Variants in KCNN2 observed in about 807,000 individuals in gnomAD.
KCNN2 encodes small conductance calcium-activated potassium channel protein 2.
A neutral mutation model predicts 55.5 loss-of-function variants in KCNN2; 24 were observed. The ratio of observed to expected loss-of-function variants is 0.43; its 90% CI spans 0.31 to 0.61. KCNN2 has a LOEUF of 0.61. Ranked by LOEUF, KCNN2 falls within the 20% of genes least tolerant of loss-of-function variation. The pLI, the probability that KCNN2 is intolerant of heterozygous loss-of-function variation, is 0.08. For synonymous variants in KCNN2, 431 were observed against 336.1 expected, an observed-to-expected ratio of 1.28 and a Z score of -3.09; for missense variants, 754 against 853.6, an observed-to-expected ratio of 0.88 and a Z score of 1.45.
chr5:114,229,891 C>A (rs377011202), intron 2 of KCNN2, among the ~76,000 whole-genome samples: 2 of 152,034 alleles, frequency 1.3e-5, no homozygotes, highest in Non-Finnish European at 2.9e-5. Context: ...GAAACAAACC[C>A]TAGAAATGGA....
intron 2 of KCNN2, among the ~76,000 whole-genome samples, chr5:114,234,898 T>C (rs1418085594): frequency 6.6e-6 from 1 of 152,192 alleles, no homozygotes; most frequent in African/African-American, 2.4e-5. Flanking sequence ...TCAGTATGTG[T>C]TATGAGTTAG....
intron 2 of KCNN2, among the ~76,000 whole-genome samples, chr5:114,295,427 C>T (rs1413142368): frequency 6.6e-6 from 1 of 152,172 alleles, no homozygotes; most frequent in Non-Finnish European, 1.5e-5. Context: ...CCCAGCCTCG[C>T]TGCCACCTTG....
At chr5:114,326,768 G>A (rs1756722371) in intron 2 of KCNN2, among the ~76,000 whole-genome samples, 1 of 152,192 alleles carries the variant, frequency 6.6e-6, no homozygotes. Flanking sequence ...TCCATCTATT[G>A]TATATTCCAA....
intron 1 of KCNN2, among the ~76,000 whole-genome samples, chr5:114,151,216 C>G (rs905519268): frequency 2.1e-4 from 32 of 151,706 alleles, no homozygotes; most frequent in African/African-American, 7.5e-4. Flanking sequence ...CTTTCTTTTT[C>G]TGGTAATAGA....
intron 4 of KCNN2, among the ~76,000 whole-genome samples, chr5:114,469,243 CCTT>C (rs1218210199): frequency 6.6e-6 from 1 of 152,172 alleles, no homozygotes; most frequent in African/African-American, 2.4e-5. Flanking sequence ...AAAGCAAAGT[CCTT>C]CTCCCTCTGC....
At chr5:114,091,111 A>T (rs945779237) in intron 1 of KCNN2, among the ~76,000 whole-genome samples, 1 of 152,148 alleles carries the variant, frequency 6.6e-6, no homozygotes, top group Non-Finnish European at 1.5e-5. Flanking sequence ...ATGTGCTGGG[A>T]TTACAGGTGT....
chr5:114,108,857 T>C (rs914245395), intron 1 of KCNN2, among the ~76,000 whole-genome samples: 1 of 152,118 alleles, frequency 6.6e-6, no homozygotes, highest in Admixed American at 6.6e-5. Context: ...TTTGTGGGCA[T>C]ATGTATTACT....
At chr5:114,068,325 T>C (rs551935902) in intron 1 of KCNN2, among the ~76,000 whole-genome samples, 5 of 152,310 alleles carry the variant, frequency 3.3e-5, no homozygotes, top group African/African-American at 9.6e-5. Context: ...AAATTCAACT[T>C]TGAGCTTCTA....
chr5:114,442,498 A>T (rs1324456278), intron 3 of KCNN2, among the ~76,000 whole-genome samples: 1 of 152,010 alleles, frequency 6.6e-6, no homozygotes. Context: ...ACCAGGCTGA[A>T]CCTCAGTTTC....
chr5:114,370,936 G>T (rs1325123538), intron 2 of KCNN2, among the ~76,000 whole-genome samples: 1 of 149,366 alleles, frequency 6.7e-6, no homozygotes, highest in Non-Finnish European at 1.5e-5. Context: ...AATTGGTCTG[G>T]ATACTATTAG....
intron 1 of KCNN2, among the ~76,000 whole-genome samples, chr5:114,154,601 G>A (rs1752593452): frequency 6.6e-6 from 1 of 152,210 alleles, no homozygotes; most frequent in African/African-American, 2.4e-5. Context: ...TCATCCAGAT[G>A]GACTATATAA....
rs79567321 is a variant in KCNN2, at chr5:114,235,695, T to C, written c.-185+14130T>C. On this transcript the variant is annotated intron_variant, in intron 2 of 10. Transcript: ENST00000512097. ...TCGTTTTTTAAAGGGCTTAAATCTCTAGTACACAATGTAGCTTGCTTAAAA... is the reference window on the plus strand; with the variant it reads ...TCGTTTTTTAAAGGGCTTAAATCTCCAGTACACAATGTAGCTTGCTTAAAA... Among the ~76,000 whole-genome samples, 256 of 152,348 alleles carry C rather than the reference T, an allele frequency of 1.7e-3. 1 individual carries two copies. Among genetic ancestry groups the C allele is most frequent in the Admixed American group, 2.7e-3 (42 of 15,308 alleles).
intron 3 of KCNN2, among the ~76,000 whole-genome samples, chr5:114,437,147 A>G (rs891346577): frequency 1.3e-5 from 2 of 152,156 alleles, no homozygotes; most frequent in African/African-American, 2.4e-5. Flanking sequence ...TATCAAGAAG[A>G]GAAATTGGCA....
Position 114,064,086 on chromosome 5 carries a change from T to C in KCNN2, c.-271+7586T>C, listed in dbSNP as rs1462670154. On this transcript the variant is annotated intron_variant, in intron 1 of 10. Transcript: ENST00000512097. Reference sequence around the variant, plus strand: ...AATGCTTGTGTTCTACTCCCAGAGATTGTGAATTAATTGGCTTGGGGAGTG... The same window carrying C: ...AATGCTTGTGTTCTACTCCCAGAGACTGTGAATTAATTGGCTTGGGGAGTG... 2.6e-5 allele frequency among the ~76,000 whole-genome samples: 4 copies of C among 152,142 alleles called. No homozygotes were observed. The East Asian group carries it at 7.7e-4, about 29-fold the overall frequency.
intron 1 of KCNN2, among the ~76,000 whole-genome samples, chr5:114,162,174 GT>G (rs1357091711): frequency 6.6e-6 from 1 of 152,074 alleles, no homozygotes; most frequent in East Asian, 1.9e-4. Flanking sequence ...GTACAGACGG[GT>G]TTTTGGTGTG....
intron 1 of KCNN2, among the ~76,000 whole-genome samples, chr5:114,155,396 G>A (rs752231998): frequency 6.6e-6 from 1 of 152,070 alleles, no homozygotes; most frequent in African/African-American, 2.4e-5. Flanking sequence ...TTCTTTGGGT[G>A]TATACCCGGT....
intron 3 of KCNN2, among the ~76,000 whole-genome samples, chr5:114,443,261 G>T (rs931391047): frequency 2.7e-5 from 4 of 150,932 alleles, no homozygotes; most frequent in Non-Finnish European, 4.4e-5. Flanking sequence ...ACTGACTCCA[G>T]CCTGGCGACA....
intron 3 of KCNN2, among the ~76,000 whole-genome samples, chr5:114,410,762 T>G (rs972880058): frequency 6.6e-6 from 1 of 152,098 alleles, no homozygotes; most frequent in African/African-American, 2.4e-5. Flanking sequence ...TATAATAAAT[T>G]GGAGATTCCA....
chr5:114,094,518 T>C (rs1381286883), intron 1 of KCNN2, among the ~76,000 whole-genome samples: 2 of 152,194 alleles, frequency 1.3e-5, no homozygotes, highest in East Asian at 3.9e-4. Flanking sequence ...GAAGACCAAA[T>C]GGCAGATAAT....
Sources: allele counts gnomAD v4.1 joint callset (sites outside exome capture counted in the v4.1 genomes callset), GRCh38; gene constraint gnomAD v4.1.1; transcripts MANE v1.5; gene names NCBI Gene and HGNC (gene_info 2026-07-23, HGNC 2026-07-21).